The following GAB2 variants were observed in gnomAD, a reference collection of about 807,000 sequenced individuals.
The protein encoded by GAB2 is GRB2 associated binding protein 2.
A neutral mutation model predicts 65.5 loss-of-function variants in GAB2; 26 were observed. The observed-to-expected ratio is 0.40, with a 90% confidence interval of 0.29 to 0.55. The LOEUF (loss-of-function observed/expected upper bound fraction) is 0.55, where lower values mean the gene tolerates loss of function less well. Ranked by LOEUF, GAB2 falls within the 20% of genes least tolerant of loss-of-function variation. The pLI is 0.53. For synonymous variants in GAB2, 321 were observed against 329.6 expected, an observed-to-expected ratio of 0.97 and a Z score of 0.28; for missense variants, 884 against 875.8, an observed-to-expected ratio of 1.01 and a Z score of -0.12.
At chr11:78,304,832 C>G (rs2134632622) in intron 1 of GAB2, among the ~76,000 whole-genome samples, 2 of 152,312 alleles carry the variant, frequency 1.3e-5, no homozygotes, top group South Asian at 4.1e-4. Context: ...TGGTTCCAAA[C>G]TGCTACCTGA....
intron 1 of GAB2, among the ~76,000 whole-genome samples, chr11:78,282,141 C>G (rs1371748605): frequency 6.6e-6 from 1 of 152,102 alleles, no homozygotes; most frequent in Non-Finnish European, 1.5e-5. Flanking sequence ...ACTCCTTATA[C>G]CATTCCATAC....
chr11:78,364,981 A>C (rs191188228), intron 1 of GAB2, among the ~76,000 whole-genome samples: 1 of 152,242 alleles, frequency 6.6e-6, no homozygotes, highest in Non-Finnish European at 1.5e-5. Flanking sequence ...GAATGGCTGC[A>C]GTCATTTTTT....
At chr11:78,262,407 GCTGGCC>G (rs969035160) in intron 2 of GAB2, among the ~76,000 whole-genome samples, 3 of 152,220 alleles carry the variant, frequency 2.0e-5, no homozygotes, top group African/African-American at 4.8e-5. Flanking sequence ...ACAAATGGTA[GCTGGCC>G]CTCAGCACTG....
At chr11:78,315,751 T>C (rs933579512) in intron 1 of GAB2, among the ~76,000 whole-genome samples, 1 of 152,146 alleles carries the variant, frequency 6.6e-6, no homozygotes, top group East Asian at 1.9e-4. Flanking sequence ...AAGAAAATAT[T>C]TGCAAATCAT....
At chr11:78,227,082 G>T in intron 3 of GAB2, 31 bp from the exon 4 acceptor site, 1 of 1,443,814 alleles carries the variant, frequency 6.9e-7, no homozygotes, top group Non-Finnish European at 9.6e-7. Flanking sequence ...AGGGCAGGAG[G>T]GTGAGACAAT....
At chr11:78,341,266 C>A (rs1253518796) in intron 1 of GAB2, among the ~76,000 whole-genome samples, 4 of 152,104 alleles carry the variant, frequency 2.6e-5, no homozygotes, top group African/African-American at 9.7e-5. Flanking sequence ...TTCTTCAATA[C>A]ACTTTTATTG....
chr11:78,383,631 G>A (rs767625668), intron 1 of GAB2, among the ~76,000 whole-genome samples: 4 of 146,978 alleles, frequency 2.7e-5, no homozygotes, highest in Admixed American at 7.0e-5. Context: ...GGTGGTGTGC[G>A]CCTGTAATGC....
At chr11:78,269,185 C>G (rs182979553) in intron 2 of GAB2, among the ~76,000 whole-genome samples, 242 of 152,242 alleles carry the variant, frequency 1.6e-3, no homozygotes, top group East Asian at 9.4e-3. Flanking sequence ...AGTCTCCACT[C>G]TGTTCTTTCT....
chr11:78,334,003 T>A (rs1160822955), intron 1 of GAB2, among the ~76,000 whole-genome samples: 1 of 152,218 alleles, frequency 6.6e-6, no homozygotes, highest in African/African-American at 2.4e-5. Flanking sequence ...TCTGAGACCC[T>A]CTTGAGCTGT....
intron 1 of GAB2, among the ~76,000 whole-genome samples, chr11:78,411,624 CAAT>C (rs924317958): frequency 1.3e-5 from 2 of 151,936 alleles, no homozygotes; most frequent in African/African-American, 2.4e-5. Flanking sequence ...TTGTCAACAA[CAAT>C]GACAACAACA....
At chr11:78,389,942 TGGATA>T (rs147294795) in intron 1 of GAB2, among the ~76,000 whole-genome samples, 4,182 of 152,328 alleles carry the variant, frequency 0.027, 156 homozygotes, top group African/African-American at 0.088. Context: ...ATTTTGTACA[TGGATA>T]AGATAATACT....
intron 1 of GAB2, among the ~76,000 whole-genome samples, chr11:78,394,043 C>G (rs1856864814): frequency 6.6e-6 from 1 of 152,218 alleles, no homozygotes; most frequent in African/African-American, 2.4e-5. Flanking sequence ...AATCCCAGCA[C>G]TTTGGGAGGC....
At chr11:78,275,275 G>A (rs1025776052) in intron 2 of GAB2, among the ~76,000 whole-genome samples, 2 of 152,034 alleles carry the variant, frequency 1.3e-5, no homozygotes, top group African/African-American at 2.4e-5. Flanking sequence ...TTAGCCCCGG[G>A]GAGTTATAAA....
At chr11:78,258,394 G>A (rs1865649369) in intron 2 of GAB2, among the ~76,000 whole-genome samples, 1 of 152,158 alleles carries the variant, frequency 6.6e-6, no homozygotes, top group Non-Finnish European at 1.5e-5. Flanking sequence ...AAATTGATAA[G>A]CATCCACGTT....
chr11:78,342,956 A>C (rs1363069424), intron 1 of GAB2, among the ~76,000 whole-genome samples: 1 of 152,170 alleles, frequency 6.6e-6, no homozygotes, highest in Non-Finnish European at 1.5e-5. Context: ...GGCCCAGAAA[A>C]GTTTAGTGAT....
chr11:78,262,297 C>T (rs900076602), intron 2 of GAB2, among the ~76,000 whole-genome samples: 2 of 152,212 alleles, frequency 1.3e-5, no homozygotes, highest in African/African-American at 4.8e-5. Flanking sequence ...GGGATGGTAC[C>T]TGAATCCAAG....
In GAB2 at chr11:78,250,185, A is replaced by C; in HGVS notation, c.592T>G (p.Cys198Gly). ...APQEYLYLHQ[C>G]ISRRAENARS... ...GCATTTTCTGCTCTTCGGCTTATGC[A>C]CTGGTGCAAGTAGAGATACTCCTGA... The change falls in exon 3 of 10, where the codon TGC (cysteine) becomes GGC (glycine). Residue 198 changes from cysteine (C) to glycine (G), a missense_variant. Coordinates refer to ENST00000361507, the MANE Select transcript of GAB2 (RefSeq NM_080491.3). 1 of 1,613,142 alleles carries C rather than the reference A, an allele frequency of 6.2e-7. No homozygotes were observed. The highest frequency in any genetic ancestry group is 8.5e-7 in the Non-Finnish European group (1 of 1,179,924).
chr11:78,226,620 G>GCC lies in GAB2; in HGVS notation c.1051_1052insGG (p.Pro351ArgfsTer77). The GCC allele has an allele frequency of 2.7e-6, 4 of 1,500,536 alleles. No homozygotes were observed. Among genetic ancestry groups the GCC allele is most frequent in the Non-Finnish European group, 3.7e-6 (4 of 1,078,998 alleles). The allele number at this position is 1,500,536 out of a possible 1,614,324, so 93.0% of individuals were successfully genotyped here. Reference sequence around the variant, plus strand: ...ACTTGGCTTGGGGGGGCGGGGTGGGGGAGCTATGGCTGAGTCCCCAGGAGT... The same window carrying GCC: ...ACTTGGCTTGGGGGGGCGGGGTGGGGCCGAGCTATGGCTGAGTCCCCAGGAGT... On this transcript the variant is annotated frameshift_variant, in exon 4 of 10. Coordinates refer to ENST00000361507, the MANE Select transcript of GAB2 (RefSeq NM_080491.3). LOFTEE classifies it high-confidence loss of function.
intron 1 of GAB2, among the ~76,000 whole-genome samples, chr11:78,383,844 GA>G (rs1257353817): frequency 6.6e-6 from 1 of 152,130 alleles, no homozygotes; most frequent in Non-Finnish European, 1.5e-5. Flanking sequence ...TTGAATGGGA[GA>G]AATGATCTTC....
Sources: gnomAD v4.1 joint callset for allele counts (sites outside exome capture counted in the v4.1 genomes callset) on GRCh38, gnomAD v4.1.1 for gene constraint, MANE v1.5 for transcripts, NCBI Gene and HGNC (gene_info 2026-07-23, HGNC 2026-07-21) for gene names.